Variants in WRNIP1 observed in about 807,000 individuals in gnomAD.
WRNIP1 encodes the protein ATPase WRNIP1.
WRNIP1 carries 41 observed loss-of-function variants against 56.1 expected under a neutral mutation model. That is an observed-to-expected ratio of 0.73 (90% confidence interval 0.57 to 0.95). The LOEUF (loss-of-function observed/expected upper bound fraction) is 0.95. Among genes scored for constraint, WRNIP1 ranks in the 40% least tolerant of loss-of-function variants. The pLI is 0.00. For synonymous variants in WRNIP1, 547 were observed against 398.1 expected (o/e 1.37, Z -4.45); for missense variants, 1,170 against 939.4 (o/e 1.25, Z -3.21).
chr6:2,768,712 G>A lies in WRNIP1; in HGVS notation c.844G>A (p.Ala282Thr), dbSNP rs370837904. ...CTAGACCACTCTGGCTCACATCATA[G>A]CCAGCAACAGCAAGAAACATAGCAT... ...CGKTTLAHII[A>T]SNSKKHSIRF... Residue 282 changes from alanine (A) to threonine (T), a missense_variant, in exon 2 of 7, where the codon GCC (alanine) becomes ACC (threonine). Coordinates refer to ENST00000380773, the MANE Select transcript of WRNIP1 (RefSeq NM_020135.3). 5 of 1,611,438 alleles carry A rather than the reference G, an allele frequency of 3.1e-6. No homozygotes were observed. The highest frequency in any genetic ancestry group is 4.2e-6 in the Non-Finnish European group (5 of 1,178,518).
At chr6:2,770,665 C>G (rs1217120745) in intron 3 of WRNIP1, among the ~76,000 whole-genome samples, 1 of 152,074 alleles carries the variant, frequency 6.6e-6, no homozygotes. Flanking sequence ...CTATGGGAAG[C>G]CTTATTGATG....
At chr6:2,767,044 T>C (rs1378367296) in intron 1 of WRNIP1, among the ~76,000 whole-genome samples, 1 of 152,230 alleles carries the variant, frequency 6.6e-6, no homozygotes, top group Non-Finnish European at 1.5e-5. Context: ...AACTTTTTCA[T>C]CTGCAAGTCA....
chr6:2,765,574 G>A lies in WRNIP1; in HGVS notation c.-49G>A. The A allele has an allele frequency of 1.4e-6, 2 of 1,420,794 alleles. No homozygotes were observed. Among genetic ancestry groups the A allele is most frequent in the East Asian group, 3.1e-5 (1 of 32,084 alleles). The allele number at this position is 1,420,794 out of a possible 1,614,324, so 88.0% of individuals were successfully genotyped here. A position where few individuals can be genotyped will look rare whatever the true frequency, so the allele number is the denominator to read the frequency against. ...GAGGGCATCGAAGGCCTCCGCGTGCGCACGGGTTGCTGCGGCCGCGCCGGG... is the reference window on the plus strand; with the variant it reads ...GAGGGCATCGAAGGCCTCCGCGTGCACACGGGTTGCTGCGGCCGCGCCGGG... On this transcript the variant is annotated 5_prime_UTR_variant, in exon 1 of 7. Coordinates refer to ENST00000380773, the MANE Select transcript of WRNIP1 (RefSeq NM_020135.3).
rs988737176 is a variant in WRNIP1, at chr6:2,779,172, C to T, written c.1257-91C>T. ...GCAAAGGCCTTGAACTCTTCAGTGT[C>T]CTTGCTGAGAAGTATGAGTTTCTAA... On this transcript the variant is annotated intron_variant, in intron 3 of 6. Coordinates refer to ENST00000380773, the MANE Select transcript of WRNIP1 (RefSeq NM_020135.3). 5 of 1,343,596 alleles carry T rather than the reference C, an allele frequency of 3.7e-6. No homozygotes were observed. The African/African-American group carries it at 7.2e-5, about 19-fold the overall frequency. The allele number at this position is 1,343,596 out of a possible 1,614,324, so 83.2% of individuals were successfully genotyped here.
rs773336891 is a variant in WRNIP1 at position 2,765,661 on chromosome 6, G to A, written c.39G>A (p.Ser13=). 7 of 1,549,174 alleles carry A rather than the reference G, an allele frequency of 4.5e-6. No homozygotes were observed. Among genetic ancestry groups the A allele is most frequent in the Middle Eastern group, 3.9e-4 (2 of 5,084 alleles). Residue 13 remains serine, a synonymous_variant, in exon 1 of 7, where the codon TCG becomes TCA. Coordinates refer to ENST00000380773, the MANE Select transcript of WRNIP1 (RefSeq NM_020135.3). ...VSGPEDDPFL[S]QLHQVQCPVC... is the part of the protein sequence containing the mutation. ...GGCCGGAAGACGACCCCTTCCTTTCGCAGCTGCACCAGGTGCAGTGCCCCG... is the reference window on the plus strand; with the variant it reads ...GGCCGGAAGACGACCCCTTCCTTTCACAGCTGCACCAGGTGCAGTGCCCCG...
At chr6:2,779,530 G>C in intron 4 of WRNIP1, 38 bp downstream of exon 4, 2 of 1,582,118 alleles carry the variant, frequency 1.3e-6, no homozygotes, top group Non-Finnish European at 1.7e-6. Context: ...AAACCATACG[G>C]AAAGAAGTGT....
In WRNIP1 at chr6:2,785,250, G is replaced by C. The variant is rs151205770; in HGVS notation, c.1966G>C (p.Gly656Arg). 64 of 1,614,044 alleles carry C rather than the reference G, an allele frequency of 4.0e-5. No homozygotes were observed. The African/African-American group carries it at 6.8e-4, about 17-fold the overall frequency. ...GGAGTACCTGCCTGAAGAGTTGAGG[G>C]GGGTAGATTTCTTCAAGCAGAGGAG... ...DQEYLPEELR[G>R]VDFFKQRRC The change falls in exon 7 of 7, where the codon GGG becomes CGG. Residue 656 changes from glycine to arginine, a missense_variant. Coordinates refer to ENST00000380773, the MANE Select transcript of WRNIP1 (RefSeq NM_020135.3).
chr6:2,768,826 A>G lies in WRNIP1; in HGVS notation c.958A>G (p.Lys320Glu). Reference protein sequence around the residue: ...KQAQNEKSFFKRKTILFIDEI... With the variant: ...KQAQNEKSFFERKTILFIDEI... Reference sequence around the variant, plus strand: ...AGCTCAAAATGAAAAGAGCTTTTTCAAAAGGAAAACCATCCTTTTTATTGA... The same window carrying G: ...AGCTCAAAATGAAAAGAGCTTTTTCGAAAGGAAAACCATCCTTTTTATTGA... Residue 320 changes from lysine (K) to glutamate (E), a missense_variant, in exon 2 of 7, where the codon AAA (lysine) becomes GAA (glutamate). By Grantham distance (56) the Lys-to-Glu change is moderately conservative. Transcript: ENST00000380773. 6.2e-7 allele frequency: 1 copy of G among 1,613,884 alleles called. No homozygotes were observed. The highest frequency in any genetic ancestry group is 8.5e-7 in the Non-Finnish European group (1 of 1,179,898).
Position 2,766,254 on chromosome 6 carries a change from G to T in WRNIP1, c.632G>T (p.Arg211Leu). ...AGTGGCGGGGGCCGCCCGCACCCCC[G>T]GGCGCTGGCTGCCGAGGAGATCCGA... ...GASGGGRPHP[R>L]ALAAEEIRQM... The change falls in exon 1 of 7, where the codon CGG becomes CTG. Residue 211 changes from arginine (R) to leucine (L), a missense_variant. Transcript: ENST00000380773. 1 of 1,509,106 alleles carries T rather than the reference G, an allele frequency of 6.6e-7. No individual in the cohort carries two copies. Among genetic ancestry groups the T allele is most frequent in the Non-Finnish European group, 8.9e-7 (1 of 1,128,350 alleles). 93.5% of individuals were successfully genotyped at this position (1,509,106 alleles called of 1,614,324 possible).
chr6:2,784,891 A>G, intron 6 of WRNIP1, 116 bp from the exon 7 acceptor site: 3 of 1,330,504 alleles, frequency 2.3e-6, no homozygotes, highest in East Asian at 2.3e-5. Context: ...AAAGGGGGAT[A>G]ATAAAAGCAT....
rs375625055 is a variant in WRNIP1, at chr6:2,766,259, C to T, written c.637C>T (p.Leu213=). 3.1e-5 allele frequency: 47 copies of T among 1,531,668 alleles called. No individual in the cohort carries two copies. The highest frequency in any genetic ancestry group is 2.8e-4 in the African/African-American group (20 of 71,852). The allele number at this position is 1,531,668 out of a possible 1,614,324, so 94.9% of individuals were successfully genotyped here. The change falls in exon 1 of 7, where the codon CTG becomes TTG. Residue 213 remains leucine, a synonymous_variant. Transcript: ENST00000380773. ...CGGGGGCCGCCCGCACCCCCGGGCG[C>T]TGGCTGCCGAGGAGATCCGACAGAT... is the stretch of plus-strand genomic sequence containing the variant. ...SGGGRPHPRA[L]AAEEIRQMLQ... is the part of the protein sequence containing the mutation.
chr6:2,784,740 G>A (rs942064739), intron 6 of WRNIP1, among the ~76,000 whole-genome samples: 10 of 151,932 alleles, frequency 6.6e-5, no homozygotes, highest in Non-Finnish European at 1.5e-4. Flanking sequence ...TTATATATTG[G>A]GGGCTTAAGA....
In WRNIP1 at chr6:2,768,725, A is replaced by G. The variant is rs768093594; in HGVS notation, c.857A>G (p.Lys286Arg). 6.2e-6 allele frequency: 10 copies of G among 1,612,926 alleles called. No homozygotes were observed. The highest frequency in any genetic ancestry group is 4.0e-5 in the African/African-American group (3 of 74,998). ...TLAHIIASNS[K>R]KHSIRFVTLS... ...GCTCACATCATAGCCAGCAACAGCA[A>G]GAAACATAGCATAAGGTTTGTGACA... The change falls in exon 2 of 7, where the codon AAG becomes AGG. Residue 286 changes from lysine (K) to arginine (R), a missense_variant. By Grantham distance (26) the Lys-to-Arg change is conservative. Coordinates refer to ENST00000380773, the MANE Select transcript of WRNIP1 (RefSeq NM_020135.3).
rs926826335 is a variant in WRNIP1 at position 2,766,318 on chromosome 6, T to G, written c.696T>G (p.Arg232=). Residue 232 remains arginine (R), a synonymous_variant, in exon 1 of 7, where the codon CGT becomes CGG. Coordinates refer to ENST00000380773, the MANE Select transcript of WRNIP1 (RefSeq NM_020135.3). ...LQGKPLADTM[R]PDTLQDYFGQ... is the part of the protein sequence containing the mutation. ...GCAAGCCGCTGGCCGACACGATGCG[T>G]CCTGACACGCTGCAGGATTACTTCG... is the stretch of plus-strand genomic sequence containing the variant. 2 of 1,610,166 alleles carry G rather than the reference T, an allele frequency of 1.2e-6. No individual in the cohort carries two copies. Among genetic ancestry groups the G allele is most frequent in the African/African-American group, 2.7e-5 (2 of 74,702 alleles).
chr6:2,778,923 A>C (rs1765494044), intron 3 of WRNIP1, among the ~76,000 whole-genome samples: 1 of 152,186 alleles, frequency 6.6e-6, no homozygotes, highest in Non-Finnish European at 1.5e-5. Flanking sequence ...ATTTCTAATA[A>C]AGTTTTCACT....
At chr6:2,767,956 T>C (rs1451252795) in intron 1 of WRNIP1, among the ~76,000 whole-genome samples, 2 of 152,234 alleles carry the variant, frequency 1.3e-5, no homozygotes, top group African/African-American at 4.8e-5. Context: ...CACCTTTCCA[T>C]TTAGGTGCAG....
Position 2,766,180 on chromosome 6 carries a change from G to A in WRNIP1, c.558G>A (p.Pro186=). ...GDADADGEDD[P]GHWDADAAEA... ...CGGACGCGGACGGCGAGGACGACCC[G>A]GGGCACTGGGACGCGGACGCTGCCG... Residue 186 remains proline (P), a synonymous_variant, in exon 1 of 7, where the codon CCG becomes CCA. Transcript: ENST00000380773. 2 of 1,372,328 alleles carry A rather than the reference G, an allele frequency of 1.5e-6. No individual in the cohort carries two copies. Among genetic ancestry groups the A allele is most frequent in the Non-Finnish European group, 1.9e-6 (2 of 1,066,546 alleles). The allele number at this position is 1,372,328 out of a possible 1,614,324, so 85.0% of individuals were successfully genotyped here.
At chr6:2,784,290 G>A (rs1162467437) in intron 5 of WRNIP1, 34 bp from the exon 6 acceptor site, 1 of 1,601,608 alleles carries the variant, frequency 6.2e-7, no homozygotes, top group Non-Finnish European at 8.5e-7. Context: ...TGTGTGTCAT[G>A]ACTGAAACTC....
chr6:2,770,686 C>A (rs1261970667), intron 3 of WRNIP1, among the ~76,000 whole-genome samples: 1 of 152,104 alleles, frequency 6.6e-6, no homozygotes, highest in Non-Finnish European at 1.5e-5. Flanking sequence ...ATTTGAAAGG[C>A]TTTATGTCCC....
Sources: allele counts gnomAD v4.1 joint callset (sites outside exome capture counted in the v4.1 genomes callset), GRCh38; gene constraint gnomAD v4.1.1; transcripts MANE v1.5; gene names NCBI Gene and HGNC (gene_info 2026-07-23, HGNC 2026-07-21).